The following BRINP3 variants were observed in gnomAD, a reference collection of about 807,000 sequenced individuals.
BRINP3 encodes the protein BMP/retinoic acid inducible neural specific 3.
A neutral mutation model predicts 71.0 loss-of-function variants in BRINP3; 19 were observed. The observed-to-expected ratio is 0.27, with a 90% confidence interval of 0.19 to 0.39. The LOEUF (loss-of-function observed/expected upper bound fraction) is 0.39. Ranked by LOEUF, BRINP3 falls within the 10% of genes least tolerant of loss-of-function variation. The probability of loss-of-function intolerance (pLI) is 1.00; values close to 1 mark genes in which losing one functional copy is unlikely to be tolerated. For missense variants in BRINP3, 959 were observed against 940.8 expected, an observed-to-expected ratio of 1.02 and a Z score of -0.25; for synonymous variants, 380 against 337.7, an observed-to-expected ratio of 1.13 and a Z score of -1.37.
intron 7 of BRINP3, among the ~76,000 whole-genome samples, chr1:190,113,187 A>G (rs2102289382): frequency 6.6e-6 from 1 of 152,208 alleles, no homozygotes; most frequent in South Asian, 2.1e-4. Flanking sequence ...AATCATGGTA[A>G]TAGTCCCTAT....
At chr1:190,251,026 G>A (rs1660088657) in intron 4 of BRINP3, among the ~76,000 whole-genome samples, 1 of 151,444 alleles carries the variant, frequency 6.6e-6, no homozygotes, top group Non-Finnish European at 1.5e-5. Context: ...AGACCAGGCT[G>A]GAAAACACAC....
At chr1:190,254,919 ACT>A (rs1031158219) in intron 4 of BRINP3, among the ~76,000 whole-genome samples, 4 of 151,692 alleles carry the variant, frequency 2.6e-5, no homozygotes, top group African/African-American at 9.7e-5. Flanking sequence ...GCCATAAATA[ACT>A]CTTATTATTT....
chr1:190,098,339 A>G lies in BRINP3; in HGVS notation c.1980T>C (p.Tyr660=), dbSNP rs1295149224. The G allele has an allele frequency of 1.2e-6, 2 of 1,614,146 alleles. No individual in the cohort carries two copies. The highest frequency in any genetic ancestry group is 1.3e-5 in the African/African-American group (1 of 75,036). The part of the protein sequence containing the change: ...EFIDPSRNLG[Y]MKINNIQVFG... ...ACACTTGAATGTTATTGATTTTCATATAGCCCAGGTTCCGGGAAGGGTCAA... is the reference window on the plus strand; with the variant it reads ...ACACTTGAATGTTATTGATTTTCATGTAGCCCAGGTTCCGGGAAGGGTCAA... Residue 660 remains tyrosine (Y), a synonymous_variant, in exon 8 of 8, where the codon TAT becomes TAC. Coordinates refer to ENST00000367462, the MANE Select transcript of BRINP3 (RefSeq NM_199051.3).
At chr1:190,406,172 TG>T (rs1672266939) in intron 2 of BRINP3, among the ~76,000 whole-genome samples, 1 of 152,198 alleles carries the variant, frequency 6.6e-6, no homozygotes, top group African/African-American at 2.4e-5. Flanking sequence ...GCAGTGTAAA[TG>T]TAGTGATTGT....
At chr1:190,112,489 A>G (rs1356420371) in intron 7 of BRINP3, among the ~76,000 whole-genome samples, 1 of 152,222 alleles carries the variant, frequency 6.6e-6, no homozygotes, top group Non-Finnish European at 1.5e-5. Context: ...CAAGTAGTAT[A>G]GCCTCTATCT....
chr1:190,308,131 G>A (rs754271352), intron 2 of BRINP3, among the ~76,000 whole-genome samples: 4 of 151,800 alleles, frequency 2.6e-5, no homozygotes, highest in Non-Finnish European at 4.4e-5. Context: ...CTGTGGCTTC[G>A]ATAGTTTTCA....
intron 4 of BRINP3, among the ~76,000 whole-genome samples, chr1:190,249,047 A>AT (rs995038373): frequency 1.3e-4 from 19 of 150,636 alleles, no homozygotes; most frequent in African/African-American, 2.7e-4. Flanking sequence ...ATGTGTTGCT[A>AT]TTTTTTTTTC....
At chr1:190,389,927 AG>A (rs1671146531) in intron 2 of BRINP3, among the ~76,000 whole-genome samples, 1 of 151,842 alleles carries the variant, frequency 6.6e-6, no homozygotes, top group African/African-American at 2.4e-5. Context: ...ACTGTCCAAA[AG>A]TCCAGAGAAA....
At chr1:190,303,956 T>C (rs1013245366) in intron 2 of BRINP3, among the ~76,000 whole-genome samples, 7 of 151,774 alleles carry the variant, frequency 4.6e-5, no homozygotes, top group African/African-American at 1.7e-4. Flanking sequence ...CATTAGGTAG[T>C]ACTTCAAATT....
chr1:190,395,029 T>C (rs547052854), intron 2 of BRINP3, among the ~76,000 whole-genome samples: 29 of 151,852 alleles, frequency 1.9e-4, no homozygotes, highest in Middle Eastern at 3.4e-3. Flanking sequence ...CAAAAGTTTA[T>C]AAAATTAAAG....
At position 190,264,926 on chromosome 1, in the gene BRINP3, A is replaced by C; in HGVS notation, c.557T>G (p.Ile186Ser). 1 of 1,613,816 alleles carries C rather than the reference A, an allele frequency of 6.2e-7. No homozygotes were observed. The highest frequency in any genetic ancestry group is 8.5e-7 in the Non-Finnish European group (1 of 1,179,912). Residue 186 changes from isoleucine (I) to serine (S), a missense_variant, in exon 4 of 8, where the codon ATT becomes AGT. Physicochemically the swap from Ile to Ser is moderately radical, Grantham distance 142. Transcript: ENST00000367462. ...TCTCCGAAGGGTGCTGTCCCTGTCA[A>C]TGAAATAAGAAGCGGCTAGCTGATG... ...TLHQLAASYF[I>S]DRDSTLRRLH...
chr1:190,242,983 C>T (rs1659252787), intron 4 of BRINP3, among the ~76,000 whole-genome samples: 1 of 152,074 alleles, frequency 6.6e-6, no homozygotes, highest in African/African-American at 2.4e-5. Flanking sequence ...AATGATTGGT[C>T]TACTTCTTCA....
intron 1 of BRINP3, among the ~76,000 whole-genome samples, chr1:190,470,600 C>A (rs1453089060): frequency 6.6e-6 from 1 of 150,820 alleles, no homozygotes; most frequent in African/African-American, 2.4e-5. Context: ...TAAACTTGAA[C>A]AATAAAACAT....
At chr1:190,282,422 G>T (rs1376931667) in intron 2 of BRINP3, among the ~76,000 whole-genome samples, 2 of 151,688 alleles carry the variant, frequency 1.3e-5, no homozygotes, top group African/African-American at 4.8e-5. Context: ...TTTACATTGA[G>T]ATAAAATCAA....
In BRINP3 at chr1:190,281,544, G is replaced by C. The variant is rs1286801180; in HGVS notation, c.427+16C>G. On this transcript the variant is annotated intron_variant, in intron 3 of 7. Coordinates refer to ENST00000367462, the MANE Select transcript of BRINP3 (RefSeq NM_199051.3). ...CACAAGCACACACAGGCACAAATAG[G>C]TTCAAAGAGCCGTACCTCCCAGAGT... is the stretch of plus-strand genomic sequence containing the variant. 1 of 1,609,340 alleles carries C rather than the reference G, an allele frequency of 6.2e-7. No individual in the cohort carries two copies.
chr1:190,435,741 T>A (rs1274539205), intron 2 of BRINP3, among the ~76,000 whole-genome samples: 1 of 152,014 alleles, frequency 6.6e-6, no homozygotes, highest in Non-Finnish European at 1.5e-5. Context: ...GTCTTCCTTC[T>A]TACCAGGATT....
intron 3 of BRINP3, among the ~76,000 whole-genome samples, chr1:190,272,741 A>T (rs912731378): frequency 2.0e-4 from 31 of 151,594 alleles, no homozygotes; most frequent in Admixed American, 5.9e-4. Flanking sequence ...CCTGATAAAG[A>T]TAATCCATTA....
intron 6 of BRINP3, among the ~76,000 whole-genome samples, chr1:190,179,389 A>G (rs1335366586): frequency 6.6e-6 from 1 of 152,146 alleles, no homozygotes; most frequent in African/African-American, 2.4e-5. Context: ...CTAGTAGGCA[A>G]TTAACACTCT....
chr1:190,123,126 C>T (rs1001574827), intron 7 of BRINP3, among the ~76,000 whole-genome samples: 65 of 152,204 alleles, frequency 4.3e-4, no homozygotes, highest in Admixed American at 2.2e-3. Context: ...TATAATTGTT[C>T]GCCCCCCTCG....
Sources: allele counts gnomAD v4.1 joint callset (sites outside exome capture counted in the v4.1 genomes callset), GRCh38; gene constraint gnomAD v4.1.1; transcripts MANE v1.5; gene names NCBI Gene and HGNC (gene_info 2026-07-23, HGNC 2026-07-21).